Variants in AGBL4 observed in about 807,000 individuals in gnomAD.
AGBL4 encodes the protein cytosolic carboxypeptidase 6.
AGBL4 carries 58 observed loss-of-function variants against 66.4 expected under a neutral mutation model. That is an observed-to-expected ratio of 0.87 (90% CI 0.71 to 1.09). The LOEUF (loss-of-function observed/expected upper bound fraction) is 1.09. Ranked by LOEUF, AGBL4 falls within the 50% of genes least tolerant of loss-of-function variation. The pLI, the probability that AGBL4 is intolerant of heterozygous loss-of-function variation, is 0.00. For synonymous variants in AGBL4, 234 were observed against 222.9 expected, an observed-to-expected ratio of 1.05 and a Z score of -0.44; for missense variants, 579 against 631.0, an observed-to-expected ratio of 0.92 and a Z score of 0.88.
Position 48,940,080 on chromosome 1 carries a change from C to T in AGBL4, c.595-72850G>A, listed in dbSNP as rs539148501. On this transcript the variant is annotated intron_variant, in intron 5 of 13. Coordinates refer to ENST00000371839, the MANE Select transcript of AGBL4 (RefSeq NM_032785.4). The stretch of plus-strand genomic sequence containing the variant: ...ACAGTTTTCCAGGAACCCTTGGTGA[C>T]TGCAATGTCCTTGTGAGATAAGCAG... Among the ~76,000 whole-genome samples the T allele has an allele frequency of 1.5e-3, 221 of 152,294 alleles. 1 individual carries two copies. Among genetic ancestry groups the T allele is most frequent in the African/African-American group, 5.1e-3 (210 of 41,560 alleles).
chr1:48,984,349 A>G (rs1660005677), intron 5 of AGBL4, among the ~76,000 whole-genome samples: 1 of 151,580 alleles, frequency 6.6e-6, no homozygotes, highest in East Asian at 2.0e-4. Context: ...TCTTTCTGCT[A>G]CATTGGGTTC....
intron 6 of AGBL4, among the ~76,000 whole-genome samples, chr1:48,741,562 C>T (rs1014668371): frequency 2.2e-4 from 34 of 152,222 alleles, no homozygotes; most frequent in African/African-American, 4.3e-4. Flanking sequence ...ATGCAGGGAA[C>T]GACACCACAT....
intron 6 of AGBL4, among the ~76,000 whole-genome samples, chr1:48,770,104 T>C (rs1644738968): frequency 2.6e-5 from 4 of 152,184 alleles, no homozygotes; most frequent in Admixed American, 2.6e-4. Context: ...TGCTGTTATA[T>C]TGCTCCCACC....
At position 49,086,787 on chromosome 1, in the gene AGBL4, C is replaced by G. The variant is rs367902703; in HGVS notation, c.378-40987G>C. 1.9e-3 allele frequency among the ~76,000 whole-genome samples: 282 copies of G among 152,200 alleles called. 2 individuals carry two copies. The highest frequency in any genetic ancestry group is 6.4e-3 in the African/African-American group (264 of 41,532). On this transcript the variant is annotated intron_variant, in intron 4 of 13. Transcript: ENST00000371839. ...GGGAAGGCACATCCCCGTATTCCCC[C>G]AGGAAGAACTCAGACAGCAGATTAG...
chr1:49,366,015 T>G, intron 3 of AGBL4, among the ~76,000 whole-genome samples: 1 of 152,310 alleles, frequency 6.6e-6, no homozygotes, highest in East Asian at 1.9e-4. Context: ...ACACAGATTT[T>G]AAGGATTCAA....
chr1:49,882,842 T>C (rs1310244010), intron 1 of AGBL4, among the ~76,000 whole-genome samples: 5 of 152,266 alleles, frequency 3.3e-5, no homozygotes, highest in South Asian at 4.1e-4. Flanking sequence ...CATTGTTTGT[T>C]TTAATAATGA....
At chr1:49,114,720 A>G (rs1569628149) in intron 4 of AGBL4, among the ~76,000 whole-genome samples, 1 of 151,826 alleles carries the variant, frequency 6.6e-6, no homozygotes, top group Non-Finnish European at 1.5e-5. Context: ...AATTGGCCTA[A>G]TTTTAATATT....
chr1:48,563,638 AG>A (rs1409004983), intron 11 of AGBL4, among the ~76,000 whole-genome samples: 2 of 123,524 alleles, frequency 1.6e-5, no homozygotes, highest in African/African-American at 6.0e-5. Flanking sequence ...ACAAACAGAA[AG>A]GGTGACTTAC....
chr1:48,733,340 A>G (rs985819721), intron 6 of AGBL4, among the ~76,000 whole-genome samples: 2 of 152,182 alleles, frequency 1.3e-5, no homozygotes, highest in Non-Finnish European at 2.9e-5. Context: ...ACCAGCCCCA[A>G]ATAAGGAACT....
chr1:49,891,693 G>T (rs1423974439), intron 1 of AGBL4, among the ~76,000 whole-genome samples: 4 of 152,162 alleles, frequency 2.6e-5, no homozygotes, highest in Admixed American at 1.3e-4. Context: ...CCAAAGGCTA[G>T]CAGAAAGATG....
chr1:49,755,165 A>C (rs980318360), intron 2 of AGBL4, among the ~76,000 whole-genome samples: 1 of 152,214 alleles, frequency 6.6e-6, no homozygotes, highest in Non-Finnish European at 1.5e-5. Context: ...CCTTAAGATC[A>C]GTGTTATCTC....
At chr1:49,691,802 A>T (rs1279834188) in intron 3 of AGBL4, among the ~76,000 whole-genome samples, 1 of 152,192 alleles carries the variant, frequency 6.6e-6, no homozygotes. Context: ...GAAAAATGTG[A>T]AAAGAGAGAC....
At chr1:49,235,560 A>G (rs543637359) in intron 4 of AGBL4, among the ~76,000 whole-genome samples, 8 of 152,336 alleles carry the variant, frequency 5.3e-5, no homozygotes, top group South Asian at 4.1e-4. Context: ...AGTAAGCCAT[A>G]TATCTTCTAG....
At chr1:49,803,274 C>A (rs551282887) in intron 2 of AGBL4, among the ~76,000 whole-genome samples, 1 of 152,068 alleles carries the variant, frequency 6.6e-6, no homozygotes, top group South Asian at 2.1e-4. Flanking sequence ...GACCAAGTAG[C>A]AGCAAATAAA....
intron 5 of AGBL4, among the ~76,000 whole-genome samples, chr1:48,923,526 C>T (rs2148894573): frequency 6.6e-6 from 1 of 152,326 alleles, no homozygotes; most frequent in Admixed American, 6.5e-5. Context: ...GTAATCTTGA[C>T]TGTTTGCATT....
chr1:48,899,077 C>A (rs1345501673), intron 5 of AGBL4, among the ~76,000 whole-genome samples: 1 of 152,198 alleles, frequency 6.6e-6, no homozygotes, highest in African/African-American at 2.4e-5. Flanking sequence ...CTGAGGCGCT[C>A]GGCTCAGCCT....
At chr1:49,238,353 G>A (rs927697538) in intron 4 of AGBL4, among the ~76,000 whole-genome samples, 3 of 152,100 alleles carry the variant, frequency 2.0e-5, no homozygotes, top group African/African-American at 7.2e-5. Flanking sequence ...CTGAGGCTCT[G>A]TTCATTTTTC....
chr1:49,329,658 C>T (rs1411679222), intron 3 of AGBL4, among the ~76,000 whole-genome samples: 2 of 151,420 alleles, frequency 1.3e-5, no homozygotes, highest in Non-Finnish European at 2.9e-5. Context: ...ATAGTGAGAC[C>T]CCCCGCCCCC....
At chr1:48,960,696 T>C (rs1357924436) in intron 5 of AGBL4, among the ~76,000 whole-genome samples, 1 of 152,222 alleles carries the variant, frequency 6.6e-6, no homozygotes, top group African/African-American at 2.4e-5. Flanking sequence ...CTGGTTTTAT[T>C]ACTTCATCAT....
Sources: gnomAD v4.1 joint callset for allele counts (sites outside exome capture counted in the v4.1 genomes callset) on GRCh38, gnomAD v4.1.1 for gene constraint, MANE v1.5 for transcripts, NCBI Gene and HGNC (gene_info 2026-07-23, HGNC 2026-07-21) for gene names.